The following SRGAP2 variants were observed in gnomAD, a reference collection of about 807,000 sequenced individuals.
SRGAP2 encodes the protein SLIT-ROBO Rho GTPase-activating protein 2.
A neutral mutation model predicts 57.2 loss-of-function variants in SRGAP2; 15 were observed. The observed-to-expected ratio is 0.26, with a 90% CI of 0.18 to 0.40. SRGAP2 has a LOEUF of 0.40. Among genes scored for constraint, SRGAP2 ranks in the 10% least tolerant of loss-of-function variants. SRGAP2 has a pLI of 1.00. For missense variants in SRGAP2, 520 were observed against 669.6 expected (o/e 0.78, Z 2.47); for synonymous variants, 249 against 248.0 (o/e 1.00, Z -0.04).
chr1:206,427,960 G>A (rs1479270481), intron 13 of SRGAP2, among the ~76,000 whole-genome samples: 6 of 152,118 alleles, frequency 3.9e-5, no homozygotes, highest in African/African-American at 1.4e-4. Flanking sequence ...AAAACGTGCT[G>A]GGTGTGGTCT....
rs76123651 is a variant in SRGAP2, at chr1:206,429,944, G to C, written c.1495-218G>C. Among the ~76,000 whole-genome samples, 1,109 of 152,314 alleles carry C rather than the reference G, an allele frequency of 7.3e-3. 6 individuals carry two copies. Among genetic ancestry groups the C allele is most frequent in the African/African-American group, 0.026 (1,066 of 41,572 alleles). ...ACTGGTTTGGGGCAGAAGATGATCA[G>C]TTTTGTTTAGGACATGCTAACTTTA... On this transcript the variant is annotated intron_variant, in intron 13 of 22. Transcript: ENST00000573034.
At chr1:206,365,303 G>C (rs1484822995) in intron 4 of SRGAP2, among the ~76,000 whole-genome samples, 1 of 150,258 alleles carries the variant, frequency 6.7e-6, no homozygotes, top group Non-Finnish European at 1.5e-5. Flanking sequence ...TCTATAGAGG[G>C]TACACCCCTC....
At chr1:206,211,071 A>G (rs1445733232) in intron 2 of SRGAP2, among the ~76,000 whole-genome samples, 8 of 151,508 alleles carry the variant, frequency 5.3e-5, no homozygotes, top group African/African-American at 1.7e-4. Context: ...AGTTGGAAAC[A>G]GTGTTCATGA....
intron 4 of SRGAP2, among the ~76,000 whole-genome samples, chr1:206,363,809 C>T (rs1219223375): frequency 1.3e-5 from 2 of 152,220 alleles, no homozygotes; most frequent in African/African-American, 2.4e-5. Context: ...TCAGGAGGCA[C>T]TTGCCGTTGA....
At chr1:206,220,563 A>G (rs1161088136) in intron 2 of SRGAP2, among the ~76,000 whole-genome samples, 2 of 152,222 alleles carry the variant, frequency 1.3e-5, no homozygotes, top group Non-Finnish European at 2.9e-5. Flanking sequence ...CCGTCAGCTA[A>G]CCTTTAAAAT....
chr1:206,343,906 C>T (rs2102925923), intron 4 of SRGAP2, among the ~76,000 whole-genome samples: 1 of 142,742 alleles, frequency 7.0e-6, no homozygotes, highest in Admixed American at 7.1e-5. Flanking sequence ...CAAGCATTGA[C>T]ATCCCCGGAA....
intron 4 of SRGAP2, among the ~76,000 whole-genome samples, chr1:206,352,850 C>A (rs1365791790): frequency 6.6e-6 from 1 of 152,060 alleles, no homozygotes; most frequent in Non-Finnish European, 1.5e-5. Flanking sequence ...GATGGAGTCT[C>A]TGTCCCCCAG....
Position 206,454,606 on chromosome 1 carries a change from C to A in SRGAP2, c.2361-272C>A. The A allele has an allele frequency of 2.2e-6, 1 of 456,572 alleles. No individual in the cohort carries two copies. The allele number at this position is 456,572 out of a possible 1,614,324, so 28.3% of individuals were successfully genotyped here. On this transcript the variant is annotated intron_variant, in intron 20 of 22. Coordinates refer to ENST00000573034, the MANE Select transcript of SRGAP2 (RefSeq NM_015326.5). The surrounding 1 kb of genome is among the most constrained non-coding windows in gnomAD (Gnocchi z 4.3). ...AGCAGCATGGGGTAGAAGGCAGATG[C>A]CTCGAATCCAGGTGTCCCCTAGCCA...
At chr1:206,391,603 ACACACACACATG>A (rs1468038477) in intron 5 of SRGAP2, among the ~76,000 whole-genome samples, 5 of 111,874 alleles carry the variant, frequency 4.5e-5, no homozygotes, top group Admixed American at 9.1e-5. Context: ...CTCCTGTGTT[ACACACACACATG>A]CACACACACA....
intron 3 of SRGAP2, among the ~76,000 whole-genome samples, chr1:206,341,859 G>C (rs1675217869): frequency 1.3e-5 from 2 of 152,024 alleles, no homozygotes; most frequent in African/African-American, 2.4e-5. Context: ...TTAGCTGGGC[G>C]TGGTGGCAGG....
intron 2 of SRGAP2, among the ~76,000 whole-genome samples, chr1:206,289,373 C>T (rs1272632347): frequency 1.7e-4 from 25 of 148,750 alleles, no homozygotes; most frequent in African/African-American, 3.0e-4. Context: ...CCCAGGTTCA[C>T]GCCATTCTCC....
chr1:206,249,282 C>T (rs1668692627), intron 2 of SRGAP2, among the ~76,000 whole-genome samples: 1 of 151,672 alleles, frequency 6.6e-6, no homozygotes, highest in Non-Finnish European at 1.5e-5. Context: ...ACTATAAAGA[C>T]ACATGCATAC....
At chr1:206,443,130 C>T (rs1214366256) in intron 17 of SRGAP2, among the ~76,000 whole-genome samples, 1 of 152,128 alleles carries the variant, frequency 6.6e-6, no homozygotes, top group African/African-American at 2.4e-5. Flanking sequence ...ATCCTGGCGC[C>T]CCAAAAAGCC....
Position 206,461,509 on chromosome 1 carries a change from G to C in SRGAP2, c.*89G>C, listed in dbSNP as rs562905511. 25 of 659,472 alleles carry C rather than the reference G, an allele frequency of 3.8e-5. No homozygotes were observed. In the African/African-American group the frequency reaches 4.3e-4, roughly 11 times the overall value. The allele number at this position is 659,472 out of a possible 1,614,324, so 40.9% of individuals were successfully genotyped here. ...CTATTTAACTAGCTTGGGGACTTCA[G>C]TTGAAAATTAGGTTCTAAGTTGTTC... On this transcript the variant is annotated 3_prime_UTR_variant, in exon 23 of 23. Transcript: ENST00000573034.
chr1:206,296,678 C>A (rs1327488592), intron 2 of SRGAP2: 1 of 152,198 alleles, frequency 6.6e-6, no homozygotes, highest in African/African-American at 2.4e-5. Context: ...GTAATCGGCC[C>A]ACCTCGGCTT....
At chr1:206,254,121 G>T (rs1669031755) in intron 2 of SRGAP2, among the ~76,000 whole-genome samples, 5 of 109,816 alleles carry the variant, frequency 4.6e-5, no homozygotes, top group Admixed American at 4.3e-4. Flanking sequence ...CTCTCTTGTA[G>T]GCAGAAGCCT....
rs1659649382 is a variant in SRGAP2 at position 206,415,775 on chromosome 1, T to C, written c.1357-114T>C. ...AAATTAAAAAATTGACTGGTGGAAA[T>C]TGGGTCAGAAACCAAATGACCTCTA... is the stretch of plus-strand genomic sequence containing the variant. On this transcript the variant is annotated intron_variant, in intron 10 of 22. Transcript: ENST00000573034. The C allele has an allele frequency of 4.3e-6, 3 of 690,596 alleles. No homozygotes were observed. In the South Asian group the frequency reaches 4.6e-5, roughly 11 times the overall value. The allele number at this position is 690,596 out of a possible 1,614,324, so 42.8% of individuals were successfully genotyped here.
chr1:206,356,056 T>C (rs1185846380), intron 4 of SRGAP2, among the ~76,000 whole-genome samples: 2 of 144,946 alleles, frequency 1.4e-5, no homozygotes, highest in Non-Finnish European at 3.0e-5. Flanking sequence ...ACCATGCAAA[T>C]AGTAGTTTGT....
chr1:206,399,877 C>G (rs1231330475), intron 7 of SRGAP2, among the ~76,000 whole-genome samples: 3 of 151,866 alleles, frequency 2.0e-5, no homozygotes, highest in African/African-American at 7.3e-5. Context: ...GCTCTTCCCT[C>G]CCAACTGAAT....
Sources: gnomAD v4.1 joint callset for allele counts (sites outside exome capture counted in the v4.1 genomes callset) on GRCh38, gnomAD v4.1.1 for gene constraint, Gnocchi (gnomAD v3.1) non-coding constraint, MANE v1.5 for transcripts, NCBI Gene and HGNC (gene_info 2026-07-23, HGNC 2026-07-21) for gene names.